ANKRD35: variants seen among roughly 807,000 people sequenced by gnomAD.
ANKRD35 encodes the protein ankyrin repeat domain-containing protein 35.
In ANKRD35, 102 loss-of-function variants were observed where a neutral mutation model predicts 109.9. The ratio of observed to expected loss-of-function variants is 0.93; its 90% confidence interval spans 0.79 to 1.09. The LOEUF (loss-of-function observed/expected upper bound fraction) is 1.09. ANKRD35 is among the 50% of genes least tolerant of loss of function. The pLI is 0.00. For synonymous variants in ANKRD35, 515 were observed against 512.4 expected, an observed-to-expected ratio of 1.01 and a Z score of -0.07; for missense variants, 1,240 against 1,230.1, an observed-to-expected ratio of 1.01 and a Z score of -0.12.
intron 1 of ANKRD35, 33 bp downstream of exon 1, chr1:145,885,687 C>CA: frequency 6.2e-7 from 1 of 1,611,960 alleles, no homozygotes; most frequent in Middle Eastern, 1.7e-4. Flanking sequence ...GCTGGGATCC[C>CA]AACCCCATCC....
chr1:145,882,372 C>T (rs1307881233), intron 1 of ANKRD35, among the ~76,000 whole-genome samples: 1 of 146,062 alleles, frequency 6.8e-6, no homozygotes, highest in Non-Finnish European at 1.5e-5. Flanking sequence ...TCATGGCTCA[C>T]TGCAGCCTTG....
At chr1:145,871,121 T>TTTCTTTCTTTCTTTC (rs1570794263) in intron 10 of ANKRD35, among the ~76,000 whole-genome samples, 119 of 112,406 alleles carry the variant, frequency 1.1e-3, no homozygotes, top group East Asian at 7.1e-3. Flanking sequence ...TTCAAGCTTT[T>TTTCTTTCTTTCTTTC]TTTCTTTCTT....
chr1:145,882,434 T>A (rs587692032), intron 1 of ANKRD35, among the ~76,000 whole-genome samples: 141 of 150,576 alleles, frequency 9.4e-4, no homozygotes, highest in Non-Finnish European at 1.8e-3. Flanking sequence ...TAGCTGGGAC[T>A]ACAGGCATGC....
At chr1:145,876,021 A>T (rs1239174733) in intron 7 of ANKRD35, 119 bp downstream of exon 7, 6 of 877,254 alleles carry the variant, frequency 6.8e-6, no homozygotes, top group Non-Finnish European at 1.0e-5. Context: ...CAAGAACACA[A>T]AGACCAACCT....
chr1:145,875,866 T>G (rs1443162094), intron 7 of ANKRD35, among the ~76,000 whole-genome samples: 1 of 152,162 alleles, frequency 6.6e-6, no homozygotes, highest in African/African-American at 2.4e-5. Flanking sequence ...AGGATCCTCT[T>G]GCATAAAAGA....
intron 6 of ANKRD35, 116 bp downstream of exon 6, chr1:145,876,453 G>T: frequency 7.9e-7 from 1 of 1,270,388 alleles, no homozygotes; most frequent in South Asian, 1.3e-5. Context: ...AGGAGGAGAA[G>T]GAAGAGAAGG....
rs1553739767 is a variant in ANKRD35, at chr1:145,874,896, T to C, written c.671A>G (p.His224Arg). Residue 224 changes from histidine to arginine, a missense_variant, in exon 8 of 14, where the codon CAC becomes CGC. Coordinates refer to ENST00000355594, the MANE Select transcript of ANKRD35 (RefSeq NM_144698.5). ...AVDSTGHDAL[H>R]YALHTQDKAL... ...CTTGTCTTGTGTGTGCAGAGCATAG[T>C]GCAGAGCATCATGCCCTGTGCTGTC... 2 of 1,613,910 alleles carry C rather than the reference T, an allele frequency of 1.2e-6. No homozygotes were observed. The highest frequency in any genetic ancestry group is 1.1e-5 in the South Asian group (1 of 90,992).
chr1:145,885,282 C>T (rs73006859), intron 1 of ANKRD35, among the ~76,000 whole-genome samples: 6,086 of 151,922 alleles, frequency 0.04, 446 homozygotes, highest in African/African-American at 0.14. Context: ...GGCAAGATTG[C>T]GGGGACAGGG....
chr1:145,875,938 C>T (rs1654053464), intron 7 of ANKRD35, among the ~76,000 whole-genome samples: 1 of 152,126 alleles, frequency 6.6e-6, no homozygotes, highest in African/African-American at 2.4e-5. Flanking sequence ...CTTCTGGGGT[C>T]ATCTATCTAT....
At chr1:145,880,809 A>G (rs1434647384) in intron 1 of ANKRD35, among the ~76,000 whole-genome samples, 1 of 152,226 alleles carries the variant, frequency 6.6e-6, no homozygotes, top group Non-Finnish European at 1.5e-5. Flanking sequence ...ATTCTGAGGT[A>G]ATACTCCTGT....
At chr1:145,878,724 G>T (rs957422139) in intron 2 of ANKRD35, among the ~76,000 whole-genome samples, 1 of 152,212 alleles carries the variant, frequency 6.6e-6, no homozygotes, top group Non-Finnish European at 1.5e-5. Context: ...TATTGCAGGG[G>T]TGTCTAGGGA....
rs1553741770 is a variant in ANKRD35 at position 145,885,744 on chromosome 1, G to A, written c.15C>T (p.Phe5=). Residue 5 remains phenylalanine (F), a synonymous_variant, in exon 1 of 14, where the codon TTC becomes TTT. Transcript: ENST00000355594. ...CCGCCACCTGTGTGCTGGAGCAGGAGAAGATACGCTTCATGGCCGGGGTCG... is the reference window on the plus strand; with the variant it reads ...CCGCCACCTGTGTGCTGGAGCAGGAAAAGATACGCTTCATGGCCGGGGTCG... The part of the protein sequence containing the change: MKRI[F]SCSSTQVAVE... 6.2e-7 allele frequency: 1 copy of A among 1,614,106 alleles called. No homozygotes were observed. The highest frequency in any genetic ancestry group is 1.7e-5 in the Admixed American group (1 of 60,018).
intron 3 of ANKRD35, 25 bp downstream of exon 3, chr1:145,878,366 T>A: frequency 6.4e-7 from 1 of 1,554,920 alleles, no homozygotes; most frequent in Non-Finnish European, 8.7e-7. Flanking sequence ...GCAAGCAGCG[T>A]GGCCCAGTGC....
rs782489013 is a variant in ANKRD35 at position 145,873,078 on chromosome 1, T to A, written c.1691A>T (p.Gln564Leu). 6.2e-7 allele frequency: 1 copy of A among 1,612,728 alleles called. No homozygotes were observed. The highest frequency in any genetic ancestry group is 1.7e-5 in the Admixed American group (1 of 59,826). ...CTTTAGGGCTCCCTCTCTGGACTCC[T>A]GGGAAGGAACCTCAGGTTTCACCTG... ...GLQVKPEVPS[Q>L]ESREGALKAA... Residue 564 changes from glutamine (Q) to leucine (L), a missense_variant, in exon 10 of 14, where the codon CAG (glutamine) becomes CTG (leucine). By Grantham distance (113) the Gln-to-Leu change is moderately radical. Transcript: ENST00000355594.
chr1:145,881,811 T>C (rs1393477225), intron 1 of ANKRD35, among the ~76,000 whole-genome samples: 4 of 152,124 alleles, frequency 2.6e-5, no homozygotes, highest in Admixed American at 6.6e-5. Flanking sequence ...CCTGAGCACA[T>C]TTTAGATGTT....
intron 4 of ANKRD35, 113 bp from the exon 5 acceptor site, chr1:145,876,986 C>G (rs1553740257): frequency 9.2e-7 from 1 of 1,091,166 alleles, no homozygotes; most frequent in African/African-American, 1.5e-5. Flanking sequence ...AGGAGGTCCA[C>G]TTTGGAGAAG....
chr1:145,869,063 T>TA (rs1448131572), intron 10 of ANKRD35, among the ~76,000 whole-genome samples: 2 of 151,296 alleles, frequency 1.3e-5, no homozygotes, highest in Admixed American at 6.6e-5. Flanking sequence ...TGTAACCAAT[T>TA]AAAAAAAAAG....
chr1:145,871,947 C>T (rs1553738714), intron 10 of ANKRD35, 35 bp downstream of exon 10: 1 of 1,601,234 alleles, frequency 6.2e-7, no homozygotes. Flanking sequence ...CAGAAACTTT[C>T]CCCAGTGCTC....
intron 11 of ANKRD35, 36 bp downstream of exon 11, chr1:145,868,275 T>C: frequency 6.2e-7 from 1 of 1,602,886 alleles, no homozygotes; most frequent in Non-Finnish European, 8.5e-7. Flanking sequence ...CTGCTGACCT[T>C]CTTCTCCAGC....
Sources: allele counts gnomAD v4.1 joint callset (sites outside exome capture counted in the v4.1 genomes callset), GRCh38; gene constraint gnomAD v4.1.1; transcripts MANE v1.5; gene names NCBI Gene and HGNC (gene_info 2026-07-23, HGNC 2026-07-21).